The following EIF3H variants were observed in gnomAD, a reference collection of about 807,000 sequenced individuals.
EIF3H encodes eukaryotic translation initiation factor 3 subunit H, also known as eIF-3-gamma.
A neutral mutation model predicts 44.2 loss-of-function variants in EIF3H; 26 were observed. That is an observed-to-expected ratio of 0.59 (90% CI 0.43 to 0.82). EIF3H has a LOEUF of 0.82. Among genes scored for constraint, EIF3H ranks in the 40% least tolerant of loss-of-function variants. The pLI is 0.00. For synonymous variants in EIF3H, 166 were observed against 151.9 expected (o/e 1.09, Z -0.68); for missense variants, 359 against 432.8 (o/e 0.83, Z 1.51).
At chr8:116,685,234 C>T (rs370871132) in intron 2 of EIF3H, among the ~76,000 whole-genome samples, 17 of 152,258 alleles carry the variant, frequency 1.1e-4, no homozygotes, top group African/African-American at 3.9e-4. Flanking sequence ...AGAAACAGAA[C>T]ATCTGGTGAA....
intron 2 of EIF3H, among the ~76,000 whole-genome samples, chr8:116,685,721 C>G (rs1382237311): frequency 6.6e-6 from 1 of 152,202 alleles, no homozygotes; most frequent in African/African-American, 2.4e-5. Flanking sequence ...GCTCAGCAGC[C>G]TTGCTCCTCC....
chr8:116,755,769 G>A lies in EIF3H; in HGVS notation c.29C>T (p.Ser10Phe), dbSNP rs372852390. ...GGTGGAGCTGGAAGAGGTGGCAGTA[G>A]AGCCGGTACCTTCCTTGCGGGACGC... MASRKEGTG[S>F]TATSSSSTAG... The change falls in exon 1 of 8, where the codon TCT (serine) becomes TTT (phenylalanine). Residue 10 changes from serine (S) to phenylalanine (F), a missense_variant. Ser to Phe is a radical substitution (Grantham distance 155, BLOSUM62 -2). Coordinates refer to ENST00000521861, the MANE Select transcript of EIF3H (RefSeq NM_003756.3). 19 of 1,613,958 alleles carry A rather than the reference G, an allele frequency of 1.2e-5. No individual in the cohort carries two copies. Among genetic ancestry groups the A allele is most frequent in the Middle Eastern group, 1.6e-4 (1 of 6,084 alleles).
At chr8:116,726,236 T>G in intron 1 of EIF3H, 64 bp from the exon 2 acceptor site, 1 of 1,503,174 alleles carries the variant, frequency 6.7e-7, no homozygotes, top group Non-Finnish European at 8.9e-7. Context: ...CCTTTATTTC[T>G]AAGAAAAAAC....
chr8:116,730,388 CTAAT>C (rs1387428147), intron 1 of EIF3H, among the ~76,000 whole-genome samples: 1 of 152,168 alleles, frequency 6.6e-6, no homozygotes, highest in East Asian at 1.9e-4. Context: ...TTTGAAGAAT[CTAAT>C]GCCTGACAAT....
intron 2 of EIF3H, among the ~76,000 whole-genome samples, chr8:116,691,176 C>T (rs915330296): frequency 6.6e-6 from 1 of 152,218 alleles, no homozygotes; most frequent in South Asian, 2.1e-4. Flanking sequence ...GTAAAAACAA[C>T]TTTAATTTAC....
chr8:116,734,795 A>C (rs1241467616), intron 1 of EIF3H, among the ~76,000 whole-genome samples: 1 of 152,180 alleles, frequency 6.6e-6, no homozygotes, highest in Non-Finnish European at 1.5e-5. Context: ...CCTGGCCTCA[A>C]GTGATCTACC....
rs562706641 is a variant in EIF3H at position 116,686,625 on chromosome 8, A to T, written c.290-27645T>A. On this transcript the variant is annotated intron_variant, in intron 2 of 7. Coordinates refer to ENST00000521861, the MANE Select transcript of EIF3H (RefSeq NM_003756.3). Reference sequence around the variant, plus strand: ...CCTCTGAGCAGTTCAGAGTATGTTTAAAAAAAAAAAAAGCCACATAAACAA... The same window carrying T: ...CCTCTGAGCAGTTCAGAGTATGTTTTAAAAAAAAAAAAGCCACATAAACAA... Among the ~76,000 whole-genome samples, 564 of 140,938 alleles carry T rather than the reference A, an allele frequency of 4.0e-3. 6 individuals are homozygous for T. Among genetic ancestry groups the T allele is most frequent in the Middle Eastern group, 7.1e-3 (2 of 280 alleles). 92.5% of individuals were successfully genotyped at this position (140,938 alleles called of 152,430 possible).
At chr8:116,735,630 A>T (rs1815021805) in intron 1 of EIF3H, among the ~76,000 whole-genome samples, 1 of 152,130 alleles carries the variant, frequency 6.6e-6, no homozygotes, top group Non-Finnish European at 1.5e-5. Flanking sequence ...TCTTTACGCC[A>T]CAGAGCAGAG....
intron 2 of EIF3H, among the ~76,000 whole-genome samples, chr8:116,676,968 A>G (rs1286847781): frequency 2.0e-5 from 3 of 152,138 alleles, no homozygotes; most frequent in African/African-American, 7.2e-5. Flanking sequence ...AAAAAAATTC[A>G]TATGAATACT....
intron 2 of EIF3H, among the ~76,000 whole-genome samples, chr8:116,679,181 C>A (rs1276780173): frequency 2.5e-5 from 2 of 80,422 alleles, no homozygotes; most frequent in East Asian, 2.5e-4. Context: ...GGGGTCAGCC[C>A]CCCGCCCGGC....
At chr8:116,652,803 A>C (rs966051900) in intron 5 of EIF3H, among the ~76,000 whole-genome samples, 1 of 152,094 alleles carries the variant, frequency 6.6e-6, no homozygotes, top group African/African-American at 2.4e-5. Context: ...AGAAACTGAA[A>C]ATCTATGAAG....
intron 1 of EIF3H, among the ~76,000 whole-genome samples, chr8:116,750,912 C>T (rs1430997029): frequency 6.6e-6 from 1 of 152,018 alleles, no homozygotes; most frequent in African/African-American, 2.4e-5. Context: ...GTTAAATAAA[C>T]GTTTTAATAA....
chr8:116,750,688 G>A (rs769194805), intron 1 of EIF3H, among the ~76,000 whole-genome samples: 1 of 151,748 alleles, frequency 6.6e-6, no homozygotes, highest in Non-Finnish European at 1.5e-5. Context: ...TGGGATTACA[G>A]GCGTGAGCCA....
At position 116,671,919 on chromosome 8, in the gene EIF3H, A is replaced by G. The variant is rs752834541; in HGVS notation, c.290-12939T>C. On this transcript the variant is annotated intron_variant, in intron 2 of 7. Coordinates refer to ENST00000521861, the MANE Select transcript of EIF3H (RefSeq NM_003756.3). ...GAGAAAACAGAAGATCTGAACTGCA[A>G]TTTTGGCTCTGCCATTACAAATAAT... 5.3e-5 allele frequency among the ~76,000 whole-genome samples: 8 copies of G among 152,370 alleles called. No individual in the cohort carries two copies. The South Asian group carries it at 1.4e-3, about 28-fold the overall frequency.
intron 2 of EIF3H, among the ~76,000 whole-genome samples, chr8:116,715,360 G>C (rs1814645205): frequency 6.6e-6 from 1 of 151,358 alleles, no homozygotes; most frequent in Non-Finnish European, 1.5e-5. Context: ...ACAGATAAAA[G>C]CTATGTGTTT....
At chr8:116,705,834 A>G (rs939057390) in intron 2 of EIF3H, among the ~76,000 whole-genome samples, 13 of 152,190 alleles carry the variant, frequency 8.5e-5, no homozygotes, top group African/African-American at 3.1e-4. Flanking sequence ...TTCTTAAACT[A>G]ATGTATCTCA....
At chr8:116,685,949 G>A (rs1044275745) in intron 2 of EIF3H, among the ~76,000 whole-genome samples, 2 of 152,054 alleles carry the variant, frequency 1.3e-5, no homozygotes, top group African/African-American at 2.4e-5. Flanking sequence ...AGAAATCAAC[G>A]GCAAACTGAA....
intron 2 of EIF3H, among the ~76,000 whole-genome samples, chr8:116,718,245 TGAAAA>T (rs1008662393): frequency 1.3e-5 from 2 of 151,920 alleles, no homozygotes; most frequent in African/African-American, 4.8e-5. Context: ...CTGGATGGGG[TGAAAA>T]GAAAACACTT....
chr8:116,677,956 A>C (rs1813876627), intron 2 of EIF3H, among the ~76,000 whole-genome samples: 1 of 152,246 alleles, frequency 6.6e-6, no homozygotes, highest in African/African-American at 2.4e-5. Flanking sequence ...TGTTAAGTTA[A>C]ATGTAATATA....
Sources: gnomAD v4.1 joint callset for allele counts (sites outside exome capture counted in the v4.1 genomes callset) on GRCh38, gnomAD v4.1.1 for gene constraint, MANE v1.5 for transcripts, NCBI Gene and HGNC (gene_info 2026-07-23, HGNC 2026-07-21) for gene names.